Variants in FSTL5 observed in about 807,000 individuals in gnomAD.
The protein encoded by FSTL5 is follistatin-related protein 5.
In FSTL5, 62 loss-of-function variants were observed where a neutral mutation model predicts 89.1. The observed-to-expected ratio is 0.70, with a 90% CI of 0.57 to 0.86. The LOEUF (loss-of-function observed/expected upper bound fraction) is 0.86. Among genes scored for constraint, FSTL5 ranks in the 40% least tolerant of loss-of-function variants. The probability of loss-of-function intolerance (pLI) is 0.00; values close to 1 mark genes in which losing one functional copy is unlikely to be tolerated. For missense variants in FSTL5, 1,057 were observed against 1,001.6 expected (o/e 1.06, Z -0.75); for synonymous variants, 383 against 346.2 (o/e 1.11, Z -1.18).
At chr4:161,760,478 G>A (rs191503770) in intron 5 of FSTL5, among the ~76,000 whole-genome samples, 60 of 152,154 alleles carry the variant, frequency 3.9e-4, no homozygotes, top group Non-Finnish European at 6.3e-4. Context: ...CTCTGGGTTC[G>A]GGACCTGCCA....
intron 8 of FSTL5, 80 bp downstream of exon 8, chr4:161,587,375 A>C (rs530806788): frequency 7.1e-7 from 1 of 1,410,424 alleles, no homozygotes; most frequent in Non-Finnish European, 1.0e-6. Context: ...CCTTGTAAAA[A>C]CTCAAAAAAT....
At chr4:161,665,605 A>T (rs1333246488) in intron 6 of FSTL5, among the ~76,000 whole-genome samples, 1 of 152,182 alleles carries the variant, frequency 6.6e-6, no homozygotes, top group Admixed American at 6.5e-5. Context: ...TTAGACACAT[A>T]ACTGATTTCA....
intron 7 of FSTL5, among the ~76,000 whole-genome samples, chr4:161,643,482 TTC>T (rs1491530007): frequency 1.3e-5 from 2 of 152,190 alleles, no homozygotes; most frequent in African/African-American, 4.8e-5. Flanking sequence ...TTTTTTTTTT[TTC>T]CCCTTTTCAG....
intron 7 of FSTL5, among the ~76,000 whole-genome samples, chr4:161,599,322 A>G (rs973299763): frequency 1.1e-4 from 16 of 152,202 alleles, no homozygotes; most frequent in African/African-American, 3.9e-4. Flanking sequence ...ATGTAGCACA[A>G]TGAAAAGTCT....
At chr4:161,975,677 G>T (rs181884592) in intron 3 of FSTL5, among the ~76,000 whole-genome samples, 1 of 150,372 alleles carries the variant, frequency 6.7e-6, no homozygotes, top group East Asian at 2.0e-4. Flanking sequence ...TGGGTGCAGC[G>T]CACCAGCATG....
At chr4:161,793,580 A>G (rs2126822647) in intron 4 of FSTL5, among the ~76,000 whole-genome samples, 1 of 148,532 alleles carries the variant, frequency 6.7e-6, no homozygotes, top group South Asian at 2.2e-4. Context: ...ACATTTTGTC[A>G]AATAAGGTTG....
At chr4:161,599,844 C>T (rs1734162409) in intron 7 of FSTL5, among the ~76,000 whole-genome samples, 1 of 151,724 alleles carries the variant, frequency 6.6e-6, no homozygotes, top group Admixed American at 6.6e-5. Flanking sequence ...ATTCTTTCTC[C>T]AAAATATAGG....
chr4:161,845,751 C>T (rs955455523), intron 4 of FSTL5, among the ~76,000 whole-genome samples: 3 of 152,014 alleles, frequency 2.0e-5, no homozygotes, highest in Admixed American at 6.6e-5. Context: ...TTTTATCTGA[C>T]GTCAAGAATT....
intron 7 of FSTL5, 24 bp from the exon 8 acceptor site, chr4:161,587,599 G>A: frequency 6.4e-7 from 1 of 1,558,604 alleles, no homozygotes; most frequent in South Asian, 1.2e-5. Context: ...AATAAAACAA[G>A]GTGTTTGCAT....
At chr4:161,517,508 G>A (rs943803903) in intron 10 of FSTL5, among the ~76,000 whole-genome samples, 1 of 152,002 alleles carries the variant, frequency 6.6e-6, no homozygotes, top group Non-Finnish European at 1.5e-5. Flanking sequence ...GTGCTTTTTA[G>A]TAAATTGCCT....
chr4:161,909,598 G>A (rs140368319), intron 4 of FSTL5, among the ~76,000 whole-genome samples: 139 of 152,088 alleles, frequency 9.1e-4, no homozygotes, highest in African/African-American at 3.1e-3. Context: ...TGCAACTGAT[G>A]CTTCATTTCT....
chr4:161,400,557 CTT>C (rs895402463), intron 15 of FSTL5, among the ~76,000 whole-genome samples: 6 of 151,848 alleles, frequency 4.0e-5, no homozygotes, highest in Non-Finnish European at 7.4e-5. Flanking sequence ...AGATATAAAA[CTT>C]AATACAAATA....
intron 1 of FSTL5, among the ~76,000 whole-genome samples, chr4:162,123,906 A>G (rs1163480262): frequency 6.6e-6 from 1 of 152,068 alleles, no homozygotes; most frequent in East Asian, 1.9e-4. Flanking sequence ...AGAAAGCAGC[A>G]ACATAGTGTT....
chr4:162,009,163 C>G (rs556867866), intron 3 of FSTL5, among the ~76,000 whole-genome samples: 36 of 152,108 alleles, frequency 2.4e-4, no homozygotes, highest in Admixed American at 7.9e-4. Flanking sequence ...CCTTGTCCAC[C>G]TTTTAGGATA....
chr4:161,413,372 G>T (rs1027779682), intron 15 of FSTL5, among the ~76,000 whole-genome samples: 4 of 149,476 alleles, frequency 2.7e-5, no homozygotes, highest in Non-Finnish European at 5.9e-5. Flanking sequence ...ACCACAATGA[G>T]ATATCATCTA....
chr4:161,726,227 C>CTTTTTTTTTTTTTTTTTTTTTTTTTTT (rs5863477), intron 6 of FSTL5, among the ~76,000 whole-genome samples: 6 of 113,676 alleles, frequency 5.3e-5, no homozygotes, highest in African/African-American at 6.9e-5. Flanking sequence ...TTTTCTTTTT[C>CTTTTTTTTTTTTTTTTTTTTTTTTTTT]TTTTTTTTTT....
chr4:161,760,261 G>A (rs1740740032), intron 5 of FSTL5, among the ~76,000 whole-genome samples: 1 of 152,114 alleles, frequency 6.6e-6, no homozygotes, highest in East Asian at 1.9e-4. Flanking sequence ...ACTATTTATT[G>A]TCATATAACA....
At chr4:161,675,054 AG>A (rs1417012410) in intron 6 of FSTL5, among the ~76,000 whole-genome samples, 1 of 152,190 alleles carries the variant, frequency 6.6e-6, no homozygotes, top group Non-Finnish European at 1.5e-5. Flanking sequence ...GCAAAAAACA[AG>A]AATATAGATA....
At chr4:161,870,298 T>C (rs979801040) in intron 4 of FSTL5, among the ~76,000 whole-genome samples, 1 of 151,992 alleles carries the variant, frequency 6.6e-6, no homozygotes, top group African/African-American at 2.4e-5. Flanking sequence ...TACTTAAGAA[T>C]TTTCCTTTTT....
Sources: gnomAD v4.1 joint callset for allele counts (sites outside exome capture counted in the v4.1 genomes callset) on GRCh38, gnomAD v4.1.1 for gene constraint, MANE v1.5 for transcripts, NCBI Gene and HGNC (gene_info 2026-07-23, HGNC 2026-07-21) for gene names.